Variants in SCAF11 observed in about 807,000 individuals in gnomAD.
SCAF11 encodes the protein SR-related CTD associated factor 11.
SCAF11 carries 47 observed loss-of-function variants against 140.5 expected under a neutral mutation model. That is an observed-to-expected ratio of 0.33 (90% CI 0.26 to 0.43). The LOEUF (loss-of-function observed/expected upper bound fraction) is 0.43. Ranked by LOEUF, SCAF11 falls within the 20% of genes least tolerant of loss-of-function variation. The pLI is 1.00. For synonymous variants in SCAF11, 557 were observed against 579.4 expected (o/e 0.96, Z 0.55); for missense variants, 1,645 against 1,705.1 (o/e 0.96, Z 0.62).
chr12:45,963,757 G>T (rs1382471642), intron 2 of SCAF11, among the ~76,000 whole-genome samples: 1 of 152,136 alleles, frequency 6.6e-6, no homozygotes, highest in African/African-American at 2.4e-5. Context: ...TTCTTCTTCT[G>T]TTGGTAGTGA....
At chr12:45,934,332 T>C (rs776568927) in intron 7 of SCAF11, 47 bp from the exon 8 acceptor site, 1 of 1,398,810 alleles carries the variant, frequency 7.1e-7, no homozygotes, top group Non-Finnish European at 1.0e-6. Flanking sequence ...AAATAACAGG[T>C]AAATAATAGT....
At chr12:45,973,001 G>T (rs1369703149) in intron 1 of SCAF11, among the ~76,000 whole-genome samples, 5 of 87,380 alleles carry the variant, frequency 5.7e-5, no homozygotes, top group East Asian at 5.0e-4. Context: ...TAGATATATA[G>T]ATATATATAT....
chr12:45,936,138 G>T (rs957748569), intron 6 of SCAF11, among the ~76,000 whole-genome samples: 31 of 149,286 alleles, frequency 2.1e-4, no homozygotes, highest in Admixed American at 1.2e-3. Flanking sequence ...TCTATGTGTG[G>T]TTTTTTTTGT....
intron 3 of SCAF11, among the ~76,000 whole-genome samples, chr12:45,954,293 A>G (rs7967208): frequency 0.53 from 80,705 of 151,482 alleles, 21,797 homozygotes; most frequent in African/African-American, 0.63. Flanking sequence ...GTGCAGTGGC[A>G]CTATCATGGG....
rs1335550848 is a variant in SCAF11 at position 45,926,618 on chromosome 12, A to C, written c.3083T>G (p.Ile1028Arg). ...NDCPNWITEKINSGPDPRTRN... is the reference protein window; with the variant it reads ...NDCPNWITEKRNSGPDPRTRN... ...GGTTCTTGGATCAGGCCCAGAGTTT[A>C]TTTTTTCTGTTATCCAATTGGGACA... is the stretch of plus-strand genomic sequence containing the variant. The change falls in exon 11 of 15, where the codon ATA (isoleucine) becomes AGA (arginine). Residue 1028 changes from isoleucine to arginine, a missense_variant. Around this residue, in one of 2 missense-constraint regions of SCAF11, gnomAD observed 1,582 missense variants for 1,609.2 expected, o/e 0.98. Transcript: ENST00000369367. 2 of 1,613,728 alleles carry C rather than the reference A, an allele frequency of 1.2e-6. No homozygotes were observed. The highest frequency in any genetic ancestry group is 2.7e-5 in the African/African-American group (2 of 74,912).
chr12:45,974,444 T>C (rs1946186279), intron 1 of SCAF11: 2 of 307,700 alleles, frequency 6.5e-6, no homozygotes, highest in Non-Finnish European at 1.3e-5. Flanking sequence ...CAGCAGAATG[T>C]CTTTCAAAAT....
Position 45,957,772 on chromosome 12 carries a change from G to A in SCAF11, c.219+3928C>T, listed in dbSNP as rs1440603351. 2.0e-5 allele frequency among the ~76,000 whole-genome samples: 3 copies of A among 152,086 alleles called. No individual in the cohort carries two copies. The East Asian group carries it at 5.8e-4, about 29-fold the overall frequency. On this transcript the variant is annotated intron_variant, in intron 3 of 14. Coordinates refer to ENST00000369367, the MANE Select transcript of SCAF11 (RefSeq NM_004719.3). The stretch of plus-strand genomic sequence containing the variant: ...AACATCCTCATCACATATACTGCAG[G>A]TTCCATTAAACATTGTTAAGAACTC...
intron 6 of SCAF11, among the ~76,000 whole-genome samples, chr12:45,942,108 T>C (rs1945316171): frequency 6.6e-6 from 1 of 152,270 alleles, no homozygotes. Flanking sequence ...ACATATAACA[T>C]ATAAAATGTG....
chr12:45,953,244 C>A (rs1945592420), intron 3 of SCAF11, among the ~76,000 whole-genome samples: 1 of 152,170 alleles, frequency 6.6e-6, no homozygotes, highest in South Asian at 2.1e-4. Context: ...CAAAGAAGTT[C>A]ATATATTTTT....
intron 6 of SCAF11, among the ~76,000 whole-genome samples, chr12:45,941,030 A>G (rs1945287259): frequency 6.6e-6 from 1 of 152,112 alleles, no homozygotes; most frequent in Non-Finnish European, 1.5e-5. Context: ...ATTTCTGATC[A>G]TCATTAGTCT....
chr12:45,966,376 T>C (rs1289994581), intron 1 of SCAF11, among the ~76,000 whole-genome samples: 3 of 151,806 alleles, frequency 2.0e-5, no homozygotes, highest in Non-Finnish European at 4.4e-5. Flanking sequence ...TAGAATACTA[T>C]AGGTATACTA....
At chr12:45,972,870 A>C (rs1217081005) in intron 1 of SCAF11, among the ~76,000 whole-genome samples, 9 of 79,286 alleles carry the variant, frequency 1.1e-4, no homozygotes, top group Admixed American at 7.5e-4. Flanking sequence ...ATATCGATAT[A>C]TATATATATA....
chr12:45,927,942 T>C lies in SCAF11; in HGVS notation c.1759A>G (p.Ser587Gly). The C allele has an allele frequency of 6.2e-7, 1 of 1,613,450 alleles. No individual in the cohort carries two copies. Among genetic ancestry groups the C allele is most frequent in the Non-Finnish European group, 8.5e-7 (1 of 1,179,896 alleles). Reference sequence around the variant, plus strand: ...TGTTCAGTAATTTCTACTAGGGAACTCTCTGTTATTTTTTCTTCATTAACC... The same window carrying C: ...TGTTCAGTAATTTCTACTAGGGAACCCTCTGTTATTTTTTCTTCATTAACC... ...SVVNEEKITE[S>G]SLVEITEHKD... Residue 587 changes from serine (S) to glycine (G), a missense_variant, in exon 11 of 15, where the codon AGT (serine) becomes GGT (glycine). By Grantham distance (56) the Ser-to-Gly change is moderately conservative. Around this residue, in one of 2 missense-constraint regions of SCAF11, gnomAD observed 1,582 missense variants for 1,609.2 expected, o/e 0.98. Coordinates refer to ENST00000369367, the MANE Select transcript of SCAF11 (RefSeq NM_004719.3).
intron 1 of SCAF11, among the ~76,000 whole-genome samples, chr12:45,972,945 T>TAAATATATAG (rs1555171452): frequency 1.0e-5 from 1 of 99,216 alleles, no homozygotes; most frequent in South Asian, 2.9e-4. Context: ...TATAGATATA[T>TAAATATATAG]ATATAGATAT....
intron 6 of SCAF11, among the ~76,000 whole-genome samples, chr12:45,935,768 C>T (rs1254485033): frequency 6.6e-6 from 1 of 152,190 alleles, no homozygotes; most frequent in Non-Finnish European, 1.5e-5. Flanking sequence ...ATGTGAAAAT[C>T]CAGTTCAAAA....
intron 2 of SCAF11, 38 bp from the exon 3 acceptor site, chr12:45,961,895 T>C: frequency 6.5e-7 from 1 of 1,537,604 alleles, no homozygotes; most frequent in South Asian, 1.3e-5. Context: ...TTTCAAGTTC[T>C]CCAGACCAAA....
intron 12 of SCAF11, 125 bp downstream of exon 12, chr12:45,924,603 C>T: frequency 1.3e-6 from 1 of 751,244 alleles, no homozygotes; most frequent in East Asian, 2.7e-5. Flanking sequence ...TGAAGGTTTA[C>T]CATAACTGAA....
At chr12:45,962,557 T>C (rs1945854751) in intron 2 of SCAF11, among the ~76,000 whole-genome samples, 1 of 152,170 alleles carries the variant, frequency 6.6e-6, no homozygotes, top group Non-Finnish European at 1.5e-5. Context: ...AAAGTATGCA[T>C]CGCTGGCTCA....
At chr12:45,941,588 C>A (rs555985892) in intron 6 of SCAF11, among the ~76,000 whole-genome samples, 1 of 152,280 alleles carries the variant, frequency 6.6e-6, no homozygotes, top group South Asian at 2.1e-4. Flanking sequence ...AAAACCACCA[C>A]CATTCTACTT....
Sources: gnomAD v4.1 joint callset for allele counts (sites outside exome capture counted in the v4.1 genomes callset) on GRCh38, gnomAD v4.1.1 for gene constraint, gnomAD v4.1.1 regional missense constraint, MANE v1.5 for transcripts, NCBI Gene and HGNC (gene_info 2026-07-23, HGNC 2026-07-21) for gene names.